RBM24: variants seen among roughly 807,000 people sequenced by gnomAD.
RBM24 encodes the protein RNA binding motif protein 24, also known as RNA-binding protein 24.
In RBM24, 5 loss-of-function variants were observed where a neutral mutation model predicts 23.6. The observed-to-expected ratio is 0.21, with a 90% confidence interval of 0.11 to 0.45. The LOEUF (loss-of-function observed/expected upper bound fraction) is 0.45. RBM24 is among the 20% of genes least tolerant of loss of function. The pLI, the probability that RBM24 is intolerant of heterozygous loss-of-function variation, is 0.99. For synonymous variants in RBM24, 151 were observed against 129.5 expected, an observed-to-expected ratio of 1.17 and a Z score of -1.13; for missense variants, 252 against 314.6, an observed-to-expected ratio of 0.80 and a Z score of 1.51.
Position 17,281,884 on chromosome 6 carries a change from G to A in RBM24, c.168+135G>A. 3 of 1,363,048 alleles carry A rather than the reference G, an allele frequency of 2.2e-6. No homozygotes were observed. The highest frequency in any genetic ancestry group is 2.7e-5 in the South Asian group (2 of 74,994). 84.4% of individuals were successfully genotyped at this position (1,363,048 alleles called of 1,614,324 possible). A position where few individuals can be genotyped will look rare whatever the true frequency, so the allele number is the denominator to read the frequency against. On this transcript the variant is annotated intron_variant, in intron 1 of 3. Coordinates refer to ENST00000379052, the MANE Select transcript of RBM24 (RefSeq NM_001143942.2). The surrounding 1 kb of genome is among the most constrained non-coding windows in gnomAD (Gnocchi z 7.1). Reference sequence around the variant, plus strand: ...TAGAGCGGCGCTGCCCCTTCGCTCCGGGGTGAACTGAAACTTTGCTAGGGG... The same window carrying A: ...TAGAGCGGCGCTGCCCCTTCGCTCCAGGGTGAACTGAAACTTTGCTAGGGG...
At chr6:17,282,186 C>T (rs1760041379) in intron 1 of RBM24, 2 of 1,283,424 alleles carry the variant, frequency 1.6e-6, no homozygotes, top group Admixed American at 2.3e-5. Flanking sequence ...GGGCTGTTGC[C>T]CTTGTGTCAT....
Position 17,281,850 on chromosome 6 carries a change from C to T in RBM24, c.168+101C>T. On this transcript the variant is annotated intron_variant, in intron 1 of 3. Coordinates refer to ENST00000379052, the MANE Select transcript of RBM24 (RefSeq NM_001143942.2). The surrounding 1 kb of genome is among the most constrained non-coding windows in gnomAD (Gnocchi z 7.1). ...GGGGCTCGGCGTGACCCGTGAGGAG[C>T]CCCGCGGGTAGAGCGGCGCTGCCCC... The T allele has an allele frequency of 2.1e-6, 3 of 1,446,992 alleles. No individual in the cohort carries two copies. The highest frequency in any genetic ancestry group is 2.2e-5 in the Admixed American group (1 of 44,592). 89.6% of individuals were successfully genotyped at this position (1,446,992 alleles called of 1,614,324 possible). A position where few individuals can be genotyped will look rare whatever the true frequency, so the allele number is the denominator to read the frequency against.
In RBM24 at chr6:17,291,768, C is replaced by T; in HGVS notation, c.360C>T (p.His120=). The T allele has an allele frequency of 6.2e-7, 1 of 1,609,820 alleles. No homozygotes were observed. Among genetic ancestry groups the T allele is most frequent in the Non-Finnish European group, 8.5e-7 (1 of 1,176,940 alleles). The change falls in exon 4 of 4, where the codon CAC becomes CAT. Residue 120 remains histidine, a synonymous_variant. Coordinates refer to ENST00000379052, the MANE Select transcript of RBM24 (RefSeq NM_001143942.2). ...CATTTCTCAACAGGATACCTGCCCA[C>T]TATGTCTATCCGCAGGCTTTTGTGC... ...LIQRPFGIPA[H]YVYPQAFVQP...
chr6:17,288,864 ACT>A, intron 3 of RBM24: 1 of 985,460 alleles, frequency 1.0e-6, no homozygotes, highest in Non-Finnish European at 1.2e-6. Flanking sequence ...AGAAATTTGC[ACT>A]GAGTTTGGTT....
At chr6:17,288,798 A>G in intron 3 of RBM24, 4 of 985,378 alleles carry the variant, frequency 4.1e-6, no homozygotes, top group Non-Finnish European at 4.8e-6. Flanking sequence ...AATACTAGAA[A>G]GGTGTTTTGG....
Position 17,293,026 on chromosome 6 carries a change from T to G in RBM24, c.*907T>G. 2 of 152,244 alleles carry G rather than the reference T, an allele frequency of 1.3e-5. 1 individual carries two copies. Among genetic ancestry groups the G allele is most frequent in the South Asian group, 4.1e-4 (2 of 4,836 alleles). The allele number at this position is 152,244 out of a possible 1,614,324, so 9.4% of individuals were successfully genotyped here. A position where few individuals can be genotyped will look rare whatever the true frequency, so the allele number is the denominator to read the frequency against. On this transcript the variant is annotated 3_prime_UTR_variant, in exon 4 of 4. Coordinates refer to ENST00000379052, the MANE Select transcript of RBM24 (RefSeq NM_001143942.2). Reference sequence around the variant, plus strand: ...CTTATGAATAAAGGCAGGCAAAGTTTGCAGAACTGTCTTAAGGACATTTAT... The same window carrying G: ...CTTATGAATAAAGGCAGGCAAAGTTGGCAGAACTGTCTTAAGGACATTTAT...
At chr6:17,288,494 A>T (rs1760260468) in intron 3 of RBM24, 2 of 984,752 alleles carry the variant, frequency 2.0e-6, no homozygotes, top group African/African-American at 3.5e-5. Context: ...GGGTTGTGAG[A>T]TTATTAGTCC....
chr6:17,286,755 T>TGGAGGGTATAGGATG (rs1389768391), intron 3 of RBM24, among the ~76,000 whole-genome samples: 1 of 152,110 alleles, frequency 6.6e-6, no homozygotes, highest in Non-Finnish European at 1.5e-5. Context: ...TGGATATGTC[T>TGGAGGGTATAGGATG]GGAGGGTATA....
Position 17,282,831 on chromosome 6 carries a change from C to G in RBM24, c.195C>G (p.Ala65=). 1.2e-6 allele frequency: 2 copies of G among 1,613,988 alleles called. No homozygotes were observed. Among genetic ancestry groups the G allele is most frequent in the South Asian group, 1.1e-5 (1 of 91,066 alleles). The part of the protein sequence containing the change: ...GFVTMADRAA[A]ERACKDPNPI... ...TCACCATGGCTGACCGGGCTGCTGC[C>G]GAAAGGGCCTGCAAGGATCCCAATC... The change falls in exon 2 of 4, where the codon GCC becomes GCG. Residue 65 remains alanine, a synonymous_variant. Transcript: ENST00000379052.
At chr6:17,289,367 C>T in intron 3 of RBM24, 1 of 985,394 alleles carries the variant, frequency 1.0e-6, no homozygotes, top group Non-Finnish European at 1.2e-6. Flanking sequence ...TCTAGGTTTT[C>T]ATTTGCCTTC....
chr6:17,281,536 G>C lies in RBM24; in HGVS notation c.-46G>C. The C allele has an allele frequency of 6.9e-7, 1 of 1,456,538 alleles. No homozygotes were observed. Among genetic ancestry groups the C allele is most frequent in the Non-Finnish European group, 9.1e-7 (1 of 1,104,966 alleles). 90.2% of individuals were successfully genotyped at this position (1,456,538 alleles called of 1,614,324 possible). A position where few individuals can be genotyped will look rare whatever the true frequency, so the allele number is the denominator to read the frequency against. Reference sequence around the variant, plus strand: ...GGAGGAGGAGGCGCAGCCGCTGCCCGAGCCGCAGCCGCAGCCGGAGCCCGA... The same window carrying C: ...GGAGGAGGAGGCGCAGCCGCTGCCCCAGCCGCAGCCGCAGCCGGAGCCCGA... On this transcript the variant is annotated 5_prime_UTR_variant, in exon 1 of 4. Coordinates refer to ENST00000379052, the MANE Select transcript of RBM24 (RefSeq NM_001143942.2). This position sits in a 1 kb window ranked among gnomAD's most constrained non-coding sequence, Gnocchi z 7.1.
chr6:17,284,752 T>G, intron 3 of RBM24, 41 bp downstream of exon 3: 1 of 1,481,116 alleles, frequency 6.8e-7, no homozygotes, highest in Non-Finnish European at 9.4e-7. Context: ...TCAGTATGAC[T>G]ATCATTTGTT....
At chr6:17,288,714 A>G (rs1163024554) in intron 3 of RBM24, 1 of 974,286 alleles carries the variant, frequency 1.0e-6, no homozygotes, top group African/African-American at 1.8e-5. Flanking sequence ...AAGGGCAAGA[A>G]TCTGGGAATG....
chr6:17,282,752 C>A, intron 1 of RBM24, 53 bp from the exon 2 acceptor site: 2 of 1,600,530 alleles, frequency 1.2e-6, no homozygotes, highest in South Asian at 2.2e-5. Context: ...TGATTTCCTT[C>A]ATGGGTTAAT....
intron 3 of RBM24, among the ~76,000 whole-genome samples, chr6:17,285,827 C>T (rs1399632284): frequency 1.3e-5 from 2 of 152,116 alleles, no homozygotes; most frequent in Admixed American, 6.6e-5. Flanking sequence ...GAGATCACCC[C>T]TCGCCTCAAT....
intron 3 of RBM24, chr6:17,289,796 C>A (rs1223173925): frequency 9.4e-7 from 1 of 1,059,876 alleles, no homozygotes; most frequent in Non-Finnish European, 1.1e-6. Flanking sequence ...CGGCTGCAGC[C>A]CCTGCTGTCC....
intron 3 of RBM24, chr6:17,289,834 T>G (rs1049214706): frequency 2.7e-6 from 3 of 1,107,204 alleles, no homozygotes; most frequent in Non-Finnish European, 2.2e-6. Context: ...GGCATAAGAG[T>G]AGGCTCTCTT....
intron 3 of RBM24, 106 bp downstream of exon 3, chr6:17,284,817 G>A (rs1760145550): frequency 1.4e-6 from 1 of 729,284 alleles, no homozygotes; most frequent in Non-Finnish European, 2.2e-6. Flanking sequence ...AATGGTCCTA[G>A]TTATACAATT....
intron 3 of RBM24, chr6:17,288,764 T>G: frequency 3.1e-6 from 3 of 983,582 alleles, no homozygotes; most frequent in Non-Finnish European, 3.6e-6. Context: ...CCAGTTGACC[T>G]GGGTTTGAGG....
Sources: allele counts gnomAD v4.1 joint callset (sites outside exome capture counted in the v4.1 genomes callset), GRCh38; gene constraint gnomAD v4.1.1; non-coding constraint Gnocchi (gnomAD v3.1); transcripts MANE v1.5; gene names NCBI Gene and HGNC (gene_info 2026-07-23, HGNC 2026-07-21).